Variants in PRKCA observed in about 807,000 individuals in gnomAD.
PRKCA encodes the protein protein kinase C alpha type.
PRKCA carries 27 observed loss-of-function variants against 87.0 expected under a neutral mutation model. The observed-to-expected ratio is 0.31, with a 90% confidence interval of 0.23 to 0.43. The LOEUF is 0.43. Among genes scored for constraint, PRKCA ranks in the 20% least tolerant of loss-of-function variants. The pLI is 1.00. For synonymous variants in PRKCA, 329 were observed against 311.1 expected (o/e 1.06, Z -0.61); for missense variants, 518 against 852.3 (o/e 0.61, Z 4.88).
At chr17:66,484,127 C>T (rs1418946805) in intron 2 of PRKCA, among the ~76,000 whole-genome samples, 1 of 152,140 alleles carries the variant, frequency 6.6e-6, no homozygotes, top group Non-Finnish European at 1.5e-5. Flanking sequence ...AGGGGAAACC[C>T]CTTGTAAAAC....
intron 2 of PRKCA, among the ~76,000 whole-genome samples, chr17:66,325,615 A>G (rs890566512): frequency 6.6e-6 from 1 of 152,172 alleles, no homozygotes; most frequent in Non-Finnish European, 1.5e-5. Flanking sequence ...TCCACAGGAG[A>G]GAAAGTCATG....
intron 5 of PRKCA, among the ~76,000 whole-genome samples, chr17:66,650,357 G>T (rs1238372188): frequency 1.6e-4 from 24 of 150,420 alleles, no homozygotes; most frequent in Admixed American, 1.4e-3. Flanking sequence ...TGGTGTCGGG[G>T]TTTTTTTTTC....
rs554529387 is a variant in PRKCA, at chr17:66,718,541, C to T, written c.919-14147C>T. Among the ~76,000 whole-genome samples, 86 of 152,200 alleles carry T rather than the reference C, an allele frequency of 5.7e-4. 1 individual carries two copies. The highest frequency in any genetic ancestry group is 1.0e-3 in the Non-Finnish European group (69 of 68,036). On this transcript the variant is annotated intron_variant, in intron 8 of 16. Coordinates refer to ENST00000413366, the MANE Select transcript of PRKCA (RefSeq NM_002737.3). ...CTGTGTTGACTAGGCTGTTCTCAAA[C>T]TCCCAGCCTCAAGCTATCTTTCTGC...
At chr17:66,671,209 CAAAAAAAAA>C (rs778507190) in intron 5 of PRKCA, among the ~76,000 whole-genome samples, 830 of 48,484 alleles carry the variant, frequency 0.017, 16 homozygotes, top group African/African-American at 0.072. Flanking sequence ...AGACTCATCT[CAAAAAAAAA>C]AAAAAAAAAA....
At chr17:66,614,731 A>G (rs141051648) in intron 3 of PRKCA, among the ~76,000 whole-genome samples, 63 of 152,334 alleles carry the variant, frequency 4.1e-4, no homozygotes, top group Non-Finnish European at 7.1e-4. Flanking sequence ...GTTCCTCGTT[A>G]TGCTTTTCTT....
At chr17:66,466,392 C>CA (rs1915090388) in intron 2 of PRKCA, among the ~76,000 whole-genome samples, 1 of 152,188 alleles carries the variant, frequency 6.6e-6, no homozygotes, top group Non-Finnish European at 1.5e-5. Context: ...AGGCCACCTG[C>CA]ACTGCTCACA....
At chr17:66,621,925 G>A (rs745942777) in intron 3 of PRKCA, among the ~76,000 whole-genome samples, 2 of 152,218 alleles carry the variant, frequency 1.3e-5, no homozygotes, top group African/African-American at 2.4e-5. Flanking sequence ...GTTGAGGCTG[G>A]TTGCAGTGGC....
chr17:66,347,941 C>CTTTTTTTTTTTTTTTTTTTTTTTTTTT lies in PRKCA; in HGVS notation c.205+41833_205+41834insTTTTTTTTTTTTTTTTTTTTTTTTTTT, dbSNP rs57292153. Reference sequence around the variant, plus strand: ...AGAATATTTACTCAGAATTCTGAACCTTTTTTTTTTTTTTTTTTTGAGACA... The same window carrying CTTTTTTTTTTTTTTTTTTTTTTTTTTT: ...AGAATATTTACTCAGAATTCTGAACCTTTTTTTTTTTTTTTTTTTTTTTTTTTTTTTTTTTTTTTTTTTTTTGAGACA... On this transcript the variant is annotated intron_variant, in intron 2 of 16. Transcript: ENST00000413366. Among the ~76,000 whole-genome samples, 42 of 56,452 alleles carry CTTTTTTTTTTTTTTTTTTTTTTTTTTT rather than the reference C, an allele frequency of 7.4e-4. 8 individuals carry two copies. Among genetic ancestry groups the CTTTTTTTTTTTTTTTTTTTTTTTTTTT allele is most frequent in the African/African-American group, 1.8e-3 (32 of 17,644 alleles). 37.0% of individuals were successfully genotyped at this position (56,452 alleles called of 152,430 possible). A position where few individuals can be genotyped will look rare whatever the true frequency, so the allele number is the denominator to read the frequency against.
intron 8 of PRKCA, among the ~76,000 whole-genome samples, chr17:66,717,627 A>T (rs1423905304): frequency 6.6e-6 from 1 of 152,200 alleles, no homozygotes; most frequent in African/African-American, 2.4e-5. Context: ...AGCACAGGGA[A>T]ACGTACGGGA....
intron 2 of PRKCA, among the ~76,000 whole-genome samples, chr17:66,316,402 T>C (rs1361965590): frequency 6.6e-6 from 1 of 152,192 alleles, no homozygotes; most frequent in Non-Finnish European, 1.5e-5. Context: ...GCTTGGAAAA[T>C]AACTTCTTGT....
At chr17:66,473,915 G>C (rs906853475) in intron 2 of PRKCA, among the ~76,000 whole-genome samples, 1 of 152,032 alleles carries the variant, frequency 6.6e-6, no homozygotes, top group African/African-American at 2.4e-5. Context: ...GTCTGGTTCT[G>C]GGCAACAAGA....
At chr17:66,474,659 C>G (rs1915465691) in intron 2 of PRKCA, among the ~76,000 whole-genome samples, 1 of 152,202 alleles carries the variant, frequency 6.6e-6, no homozygotes, top group South Asian at 2.1e-4. Context: ...TTTTCTTCTT[C>G]TGAAGAATCC....
intron 2 of PRKCA, among the ~76,000 whole-genome samples, chr17:66,493,134 G>A (rs1916315538): frequency 6.6e-6 from 1 of 152,070 alleles, no homozygotes; most frequent in Admixed American, 6.6e-5. Context: ...ATGGTATCAT[G>A]AGTACCTTTA....
At chr17:66,542,310 G>A (rs1389295197) in intron 3 of PRKCA, among the ~76,000 whole-genome samples, 1 of 152,054 alleles carries the variant, frequency 6.6e-6, no homozygotes, top group African/African-American at 2.4e-5. Flanking sequence ...AGTTTCTGTG[G>A]ACATACAGTG....
chr17:66,566,521 T>G (rs1968906074), intron 3 of PRKCA, among the ~76,000 whole-genome samples: 1 of 148,960 alleles, frequency 6.7e-6, no homozygotes, highest in South Asian at 2.1e-4. Flanking sequence ...TTTCCCCACT[T>G]TGGGAAATGA....
chr17:66,629,617 T>C (rs1465144343), intron 3 of PRKCA, among the ~76,000 whole-genome samples: 1 of 152,242 alleles, frequency 6.6e-6, no homozygotes, highest in Non-Finnish European at 1.5e-5. Context: ...ATTCCTATTT[T>C]ACGTTCCTTT....
chr17:66,798,495 TGGTGGTGGTGGTGAC>T (rs1373278006), intron 16 of PRKCA, among the ~76,000 whole-genome samples: 2 of 89,220 alleles, frequency 2.2e-5, no homozygotes, highest in Non-Finnish European at 4.3e-5. Context: ...GTGACGGTGG[TGGTGGTGGTGGTGAC>T]GGTGGTGACG....
intron 8 of PRKCA, among the ~76,000 whole-genome samples, chr17:66,729,780 C>CTTTTTTTTTT (rs60247180): frequency 2.9e-5 from 3 of 105,074 alleles, no homozygotes; most frequent in East Asian, 3.0e-4. Flanking sequence ...GCGAGTTATT[C>CTTTTTTTTTT]TTTTTTTTTT....
rs188067226 is a variant in PRKCA at position 66,423,280 on chromosome 17, T to C, written c.206-72921T>C. 9.3e-4 allele frequency among the ~76,000 whole-genome samples: 141 copies of C among 152,324 alleles called. 2 individuals carry two copies. In the East Asian group the frequency reaches 0.021, roughly 23 times the overall value. ...TCATGTCATCAAGCTGGTAGTACTTTGTTTTATGCCCGGTTTCTTGTCTGA... is the reference window on the plus strand; with the variant it reads ...TCATGTCATCAAGCTGGTAGTACTTCGTTTTATGCCCGGTTTCTTGTCTGA... On this transcript the variant is annotated intron_variant, in intron 2 of 16. Coordinates refer to ENST00000413366, the MANE Select transcript of PRKCA (RefSeq NM_002737.3).
Sources: gnomAD v4.1 joint callset for allele counts (sites outside exome capture counted in the v4.1 genomes callset) on GRCh38, gnomAD v4.1.1 for gene constraint, MANE v1.5 for transcripts, NCBI Gene and HGNC (gene_info 2026-07-23, HGNC 2026-07-21) for gene names.